Variants in EPSTI1 observed in about 807,000 individuals in gnomAD.
EPSTI1 encodes epithelial-stromal interaction protein 1.
In EPSTI1, 66 loss-of-function variants were observed where a neutral mutation model predicts 49.9. The observed-to-expected ratio is 1.32, with a 90% CI of 1.08 to 1.62. EPSTI1 has a LOEUF of 1.62. EPSTI1 is among the 40% of genes most tolerant of loss of function. The pLI is 0.00. For synonymous variants in EPSTI1, 137 were observed against 130.7 expected, an observed-to-expected ratio of 1.05 and a Z score of -0.33; for missense variants, 394 against 365.5, an observed-to-expected ratio of 1.08 and a Z score of -0.64.
intron 6 of EPSTI1, among the ~76,000 whole-genome samples, chr13:42,946,368 C>T (rs1012665022): frequency 6.6e-6 from 1 of 152,130 alleles, no homozygotes; most frequent in Non-Finnish European, 1.5e-5. Context: ...TTTTGGAATG[C>T]GCTTGGTTCC....
At chr13:42,935,096 T>C (rs1443877217) in intron 6 of EPSTI1, among the ~76,000 whole-genome samples, 1 of 152,220 alleles carries the variant, frequency 6.6e-6, no homozygotes, top group African/African-American at 2.4e-5. Context: ...CTGGACATTG[T>C]TGTCATGAAT....
intron 8 of EPSTI1, among the ~76,000 whole-genome samples, chr13:42,904,914 C>T (rs368566478): frequency 5.3e-5 from 8 of 152,176 alleles, no homozygotes; most frequent in African/African-American, 1.7e-4. Context: ...CACTGGGTAG[C>T]GGCGCTTGAA....
At chr13:42,921,500 C>T (rs968958540) in intron 7 of EPSTI1, among the ~76,000 whole-genome samples, 2 of 152,134 alleles carry the variant, frequency 1.3e-5, no homozygotes, top group African/African-American at 4.8e-5. Context: ...ATATGCTCCA[C>T]CAAAACAAAG....
chr13:42,949,745 G>A (rs1057465996), intron 6 of EPSTI1, among the ~76,000 whole-genome samples: 6 of 151,318 alleles, frequency 4.0e-5, no homozygotes. Flanking sequence ...CCTAATACCC[G>A]CACACAAAAT....
chr13:42,946,296 T>C (rs2038915658), intron 6 of EPSTI1, among the ~76,000 whole-genome samples: 1 of 152,178 alleles, frequency 6.6e-6, no homozygotes, highest in African/African-American at 2.4e-5. Flanking sequence ...AACTTTCCAA[T>C]ATTACAATCG....
At chr13:42,986,300 C>T (rs2040076808) in intron 1 of EPSTI1, among the ~76,000 whole-genome samples, 1 of 152,158 alleles carries the variant, frequency 6.6e-6, no homozygotes, top group Non-Finnish European at 1.5e-5. Context: ...AGCCACGGTC[C>T]CTGGTTCCTG....
intron 8 of EPSTI1, among the ~76,000 whole-genome samples, chr13:42,907,191 T>C (rs1428206353): frequency 1.3e-5 from 2 of 152,196 alleles, no homozygotes; most frequent in Non-Finnish European, 2.9e-5. Context: ...CACAGCTCTA[T>C]GTCTCCCACC....
intron 6 of EPSTI1, among the ~76,000 whole-genome samples, chr13:42,938,165 A>T (rs2038627758): frequency 6.6e-6 from 1 of 152,120 alleles, no homozygotes; most frequent in Non-Finnish European, 1.5e-5. Context: ...TAGGTATTAG[A>T]ACCAAGGTTT....
chr13:42,977,955 C>T (rs993153353), intron 1 of EPSTI1, among the ~76,000 whole-genome samples: 4 of 152,130 alleles, frequency 2.6e-5, no homozygotes, highest in African/African-American at 4.8e-5. Context: ...TCGAGACCAT[C>T]CTGGCTAACA....
rs192486566 is a variant in EPSTI1, at chr13:42,971,553, C to T, written c.189-883G>A. 9.9e-5 allele frequency among the ~76,000 whole-genome samples: 15 copies of T among 152,220 alleles called. No individual in the cohort carries two copies. In the East Asian group the frequency reaches 2.9e-3, roughly 29 times the overall value. On this transcript the variant is annotated intron_variant, in intron 1 of 10. Coordinates refer to ENST00000313624, the MANE Select transcript of EPSTI1 (RefSeq NM_033255.5). Reference sequence around the variant, plus strand: ...ACAGACTGCAGCATACATGTAGGTACAGTTTTAAGAGAAATGCTGTGGATA... The same window carrying T: ...ACAGACTGCAGCATACATGTAGGTATAGTTTTAAGAGAAATGCTGTGGATA...
chr13:42,926,159 T>A (rs1566123695), intron 7 of EPSTI1, among the ~76,000 whole-genome samples, 177 bp downstream of exon 7: 1 of 152,142 alleles, frequency 6.6e-6, no homozygotes, highest in South Asian at 2.1e-4. Flanking sequence ...GCCCATAAAA[T>A]AATACAAGCA....
intron 1 of EPSTI1, among the ~76,000 whole-genome samples, chr13:42,979,926 T>A (rs564667318): frequency 4.6e-5 from 7 of 152,310 alleles, no homozygotes; most frequent in Admixed American, 4.6e-4. Context: ...CTTTACCTCA[T>A]CCTAGATCCA....
At chr13:42,909,349 T>C (rs889546752) in intron 8 of EPSTI1, among the ~76,000 whole-genome samples, 16 of 152,050 alleles carry the variant, frequency 1.1e-4, no homozygotes, top group African/African-American at 3.6e-4. Context: ...GGGGTGTAAA[T>C]TAGTACAGCC....
At chr13:42,989,567 C>CTTTTTTCTTTTTTTTTTTT (rs1555271092) in intron 1 of EPSTI1, among the ~76,000 whole-genome samples, 1 of 79,022 alleles carries the variant, frequency 1.3e-5, no homozygotes, top group Non-Finnish European at 2.5e-5. Context: ...CCTCTTTTTT[C>CTTTTTTCTTTTTTTTTTTT]TTTTTTTTTT....
chr13:42,948,423 T>TTTTTTTTTTTTTTTTTTTTC (rs2038986032), intron 6 of EPSTI1, among the ~76,000 whole-genome samples: 1 of 99,828 alleles, frequency 1.0e-5, no homozygotes, highest in African/African-American at 3.6e-5. Context: ...GAGTGGCTTG[T>TTTTTTTTTTTTTTTTTTTTC]TGTTTTTTTT....
intron 6 of EPSTI1, among the ~76,000 whole-genome samples, chr13:42,927,984 A>C (rs2038236059): frequency 6.6e-6 from 1 of 152,260 alleles, no homozygotes; most frequent in Admixed American, 6.5e-5. Flanking sequence ...AAGAAACTTC[A>C]GACCAAGTTG....
chr13:42,904,685 T>C (rs2037448883), intron 8 of EPSTI1, among the ~76,000 whole-genome samples: 1 of 152,160 alleles, frequency 6.6e-6, no homozygotes, highest in Non-Finnish European at 1.5e-5. Context: ...ATGGAACAGT[T>C]ACAAAGACTA....
At chr13:42,970,574 A>T (rs751544454) in intron 2 of EPSTI1, 38 bp downstream of exon 2, 1 of 1,523,016 alleles carries the variant, frequency 6.6e-7, no homozygotes, top group Non-Finnish European at 8.9e-7. Flanking sequence ...GTAAAAAGAG[A>T]GAAGCATTCT....
intron 1 of EPSTI1, among the ~76,000 whole-genome samples, chr13:42,989,912 G>C (rs938254910): frequency 6.6e-6 from 1 of 151,910 alleles, no homozygotes; most frequent in Non-Finnish European, 1.5e-5. Flanking sequence ...TTTTAAATCA[G>C]AAAGTGTTTC....
Sources: gnomAD v4.1 joint callset for allele counts (sites outside exome capture counted in the v4.1 genomes callset) on GRCh38, gnomAD v4.1.1 for gene constraint, MANE v1.5 for transcripts, NCBI Gene and HGNC (gene_info 2026-07-23, HGNC 2026-07-21) for gene names.